Variants in TXNRD1 observed in about 807,000 individuals in gnomAD.
TXNRD1 encodes the protein thioredoxin reductase 1, cytoplasmic.
In TXNRD1, 57 loss-of-function variants were observed where a neutral mutation model predicts 80.3. That is an observed-to-expected ratio of 0.71 (90% CI 0.57 to 0.89). TXNRD1 has a LOEUF of 0.89. Ranked by LOEUF, TXNRD1 falls within the 40% of genes least tolerant of loss-of-function variation. The pLI is 0.00. For missense variants in TXNRD1, 730 were observed against 803.0 expected (o/e 0.91, Z 1.10); for synonymous variants, 291 against 285.2 (o/e 1.02, Z -0.20).
intron 2 of TXNRD1, 103 bp from the exon 3 acceptor site, chr12:104,257,916 T>C (rs561125818): frequency 2.4e-6 from 2 of 832,828 alleles, no homozygotes; most frequent in Non-Finnish European, 3.8e-6. Context: ...TTTTCAAAGG[T>C]GAAGGCTGGT....
intron 3 of TXNRD1, among the ~76,000 whole-genome samples, chr12:104,274,522 C>T (rs2033716946): frequency 6.6e-6 from 1 of 151,846 alleles, no homozygotes; most frequent in African/African-American, 2.4e-5. Context: ...ACGGTGAAAC[C>T]CTGTCTCTAA....
In TXNRD1 at chr12:104,335,498, C is replaced by T. The variant is rs139134487; in HGVS notation, c.1746+1166C>T. 1.6e-3 allele frequency among the ~76,000 whole-genome samples: 249 copies of T among 152,226 alleles called. 2 individuals carry two copies. The highest frequency in any genetic ancestry group is 5.7e-3 in the African/African-American group (237 of 41,522). ...TACAGGTGTGAGCCACCGCGCCCGGCCTATTACAGTACTTTTTTAGCAGAA... is the reference window on the plus strand; with the variant it reads ...TACAGGTGTGAGCCACCGCGCCCGGTCTATTACAGTACTTTTTTAGCAGAA... On this transcript the variant is annotated intron_variant, in intron 15 of 16. Transcript: ENST00000525566.
chr12:104,259,433 C>T (rs1443285870), intron 3 of TXNRD1, among the ~76,000 whole-genome samples: 36 of 150,680 alleles, frequency 2.4e-4, no homozygotes, highest in Non-Finnish European at 3.0e-5. Context: ...TTCAACTAGA[C>T]AGAGAAAGAT....
intron 11 of TXNRD1, among the ~76,000 whole-genome samples, chr12:104,325,745 G>A (rs77429077): frequency 4.6e-5 from 7 of 152,100 alleles, no homozygotes; most frequent in East Asian, 1.9e-4. Flanking sequence ...GGTGGCGTGC[G>A]CCTGTAGTCC....
chr12:104,226,254 T>G (rs2032470633), intron 1 of TXNRD1, among the ~76,000 whole-genome samples: 1 of 152,114 alleles, frequency 6.6e-6, no homozygotes, highest in African/African-American at 2.4e-5. Context: ...CAGTTTAACC[T>G]TATATTTAGG....
At chr12:104,219,782 AT>A (rs35300104) in intron 1 of TXNRD1, among the ~76,000 whole-genome samples, 5,682 of 147,052 alleles carry the variant, frequency 0.039, 262 homozygotes, top group African/African-American at 0.11. Flanking sequence ...GCAAAAGGCA[AT>A]TTTTTTTTTT....
At position 104,327,633 on chromosome 12, in the gene TXNRD1, T is replaced by C. The variant is rs368849022; in HGVS notation, c.1504T>C (p.Leu502=). The part of the protein sequence containing the change: ...LTPVAIQAGR[L]LAQRLYAGST... ...CCCAGTTGCAATCCAGGCAGGAAGA[T>C]TGCTGGCTCAGAGGCTCTATGCAGG... Residue 502 remains leucine, a synonymous_variant, in exon 13 of 17, where the codon TTG becomes CTG. Coordinates refer to ENST00000525566, the MANE Select transcript of TXNRD1 (RefSeq NM_001093771.3). 1.4e-4 allele frequency: 223 copies of C among 1,613,518 alleles called. No homozygotes were observed. The highest frequency in any genetic ancestry group is 1.7e-4 in the Non-Finnish European group (202 of 1,179,822).
chr12:104,299,596 G>T lies in TXNRD1; in HGVS notation c.414+10556G>T, dbSNP rs189310705. Reference sequence around the variant, plus strand: ...AGCCTGGTCAACATGCTGAAACCCTGTCTCTACTAAGAATACAAAAATTAG... The same window carrying T: ...AGCCTGGTCAACATGCTGAAACCCTTTCTCTACTAAGAATACAAAAATTAG... On this transcript the variant is annotated intron_variant, in intron 4 of 16. Coordinates refer to ENST00000525566, the MANE Select transcript of TXNRD1 (RefSeq NM_001093771.3). Among the ~76,000 whole-genome samples the T allele has an allele frequency of 5.5e-4, 84 of 151,896 alleles. 2 individuals carry two copies. Among genetic ancestry groups the T allele is most frequent in the African/African-American group, 1.9e-3 (79 of 41,410 alleles).
At chr12:104,339,868 C>T (rs1483207397) in intron 16 of TXNRD1, among the ~76,000 whole-genome samples, 1 of 152,178 alleles carries the variant, frequency 6.6e-6, no homozygotes, top group East Asian at 1.9e-4. Context: ...ACTATACCAG[C>T]TTATATATGG....
chr12:104,342,073 C>T (rs1260118052), intron 16 of TXNRD1, among the ~76,000 whole-genome samples: 1 of 152,122 alleles, frequency 6.6e-6, no homozygotes, highest in Non-Finnish European at 1.5e-5. Context: ...TATTCACCAA[C>T]CTGGAAGTTC....
At chr12:104,239,346 A>G (rs897761590) in intron 1 of TXNRD1, among the ~76,000 whole-genome samples, 1 of 152,060 alleles carries the variant, frequency 6.6e-6, no homozygotes, top group African/African-American at 2.4e-5. Context: ...GGCGTGTGCC[A>G]CTACAACCGG....
intron 3 of TXNRD1, among the ~76,000 whole-genome samples, chr12:104,267,657 CTTTCTTTCTTTCT>C: frequency 3.2e-5 from 1 of 31,240 alleles, no homozygotes; most frequent in African/African-American, 1.2e-4. Flanking sequence ...ATCTTTCTTT[CTTTCTTTCTTTCT>C]TTCTTTCTTT....
intron 1 of TXNRD1, among the ~76,000 whole-genome samples, chr12:104,233,588 CTCGGCT>C (rs2032669965): frequency 1.3e-5 from 2 of 152,234 alleles, no homozygotes; most frequent in Non-Finnish European, 2.9e-5. Context: ...ATGGCACAAT[CTCGGCT>C]CACTGCAACC....
At position 104,332,666 on chromosome 12, in the gene TXNRD1, T is replaced by A. The variant is rs1025966706; in HGVS notation, c.1650+1025T>A. On this transcript the variant is annotated intron_variant, in intron 14 of 16. Coordinates refer to ENST00000525566, the MANE Select transcript of TXNRD1 (RefSeq NM_001093771.3). ...TGGGAAGCTGAGGCAGGAGAATCGC[T>A]TGAACCCGGGAGGCGGAGGTTGCAG... Among the ~76,000 whole-genome samples, 4 of 149,098 alleles carry A rather than the reference T, an allele frequency of 2.7e-5. No individual in the cohort carries two copies. In the Admixed American group the frequency reaches 2.7e-4, roughly 10 times the overall value.
intron 15 of TXNRD1, among the ~76,000 whole-genome samples, chr12:104,335,443 G>A (rs1224383205): frequency 2.0e-4 from 31 of 152,092 alleles, no homozygotes; most frequent in Admixed American, 9.8e-4. Flanking sequence ...CAGGTGATCC[G>A]TCTGCCTTGG....
chr12:104,317,930 G>A (rs938446206), intron 7 of TXNRD1, among the ~76,000 whole-genome samples: 4 of 152,154 alleles, frequency 2.6e-5, no homozygotes, highest in South Asian at 4.1e-4. Context: ...ACTTGAGGTC[G>A]GGAGTTTGAG....
intron 2 of TXNRD1, among the ~76,000 whole-genome samples, chr12:104,256,712 A>C (rs2033256678): frequency 6.7e-6 from 1 of 149,920 alleles, no homozygotes; most frequent in Non-Finnish European, 1.5e-5. Context: ...CCGGGGAGGC[A>C]GAGATTGCAG....
At chr12:104,328,532 A>T (rs1395958743) in intron 13 of TXNRD1, among the ~76,000 whole-genome samples, 1 of 152,162 alleles carries the variant, frequency 6.6e-6, no homozygotes, top group Non-Finnish European at 1.5e-5. Flanking sequence ...TGATGCAGGC[A>T]GATCACGAGG....
chr12:104,335,888 A>G (rs754082836), intron 15 of TXNRD1, among the ~76,000 whole-genome samples: 2 of 152,244 alleles, frequency 1.3e-5, no homozygotes, highest in Non-Finnish European at 2.9e-5. Context: ...TGGTAAAACC[A>G]AGGGTTTTAG....
Sources: allele counts gnomAD v4.1 joint callset (sites outside exome capture counted in the v4.1 genomes callset), GRCh38; gene constraint gnomAD v4.1.1; transcripts MANE v1.5; gene names NCBI Gene and HGNC (gene_info 2026-07-23, HGNC 2026-07-21).